SLC25A3: variants seen among roughly 807,000 people sequenced by gnomAD.
SLC25A3 encodes the protein phosphate transport protein.
A neutral mutation model predicts 37.1 loss-of-function variants in SLC25A3; 14 were observed. That is an observed-to-expected ratio of 0.38 (90% CI 0.25 to 0.59). The LOEUF (loss-of-function observed/expected upper bound fraction) is 0.59, where lower values mean the gene tolerates loss of function less well. Ranked by LOEUF, SLC25A3 falls within the 20% of genes least tolerant of loss-of-function variation. The pLI, the probability that SLC25A3 is intolerant of heterozygous loss-of-function variation, is 0.67. For missense variants in SLC25A3, 385 were observed against 458.1 expected (o/e 0.84, Z 1.46); for synonymous variants, 161 against 168.7 (o/e 0.95, Z 0.36).
intron 2 of SLC25A3, chr12:98,595,491 A>T: frequency 6.2e-7 from 1 of 1,613,594 alleles, no homozygotes; most frequent in Non-Finnish European, 8.5e-7. Context: ...GACTTGGAGG[A>T]ATTATTAGCT....
chr12:98,600,203 G>A (rs1310923467), intron 6 of SLC25A3, 76 bp downstream of exon 6: 5 of 1,024,046 alleles, frequency 4.9e-6, no homozygotes, highest in African/African-American at 1.6e-5. Context: ...TTTTTGAGAG[G>A]GAAAAATACT....
rs749070065 is a variant in SLC25A3, at chr12:98,601,281, G to A, written c.925G>A (p.Gly309Ser). Residue 309 changes from glycine (G) to serine (S), a missense_variant and splice_region_variant, in exon 7 of 8, where the codon GGT (glycine) becomes AGT (serine). By Grantham distance (56) the Gly-to-Ser change is moderately conservative. Transcript: ENST00000552981. ...SLVLKRLGFK[G>S]VWKGLFARII... ...GGTCCTCAAGAGACTTGGATTTAAAGGTAGGATGATGTTTTTTTCTTGAAA... is the reference window on the plus strand; with the variant it reads ...GGTCCTCAAGAGACTTGGATTTAAAAGTAGGATGATGTTTTTTTCTTGAAA... The A allele has an allele frequency of 1.4e-5, 23 of 1,613,954 alleles. No homozygotes were observed. The highest frequency in any genetic ancestry group is 1.9e-5 in the Non-Finnish European group (22 of 1,179,988).
At position 98,594,877 on chromosome 12, in the gene SLC25A3, C is replaced by G. The variant is rs367763374; in HGVS notation, c.157+742C>G. ...GAAAGATTTTTTTCTTTAAATCATTCATGTGCTTCTGTTGTCTTTAGTATG... is the reference window on the plus strand; with the variant it reads ...GAAAGATTTTTTTCTTTAAATCATTGATGTGCTTCTGTTGTCTTTAGTATG... On this transcript the variant is annotated intron_variant, in intron 2 of 7. Coordinates refer to ENST00000552981, the MANE Select transcript of SLC25A3 (RefSeq NM_002635.4). 50 of 179,214 alleles carry G rather than the reference C, an allele frequency of 2.8e-4. No individual in the cohort carries two copies. The South Asian group carries it at 5.1e-3, about 18-fold the overall frequency. The allele number at this position is 179,214 out of a possible 1,614,324, so 11.1% of individuals were successfully genotyped here. A position where few individuals can be genotyped will look rare whatever the true frequency, so the allele number is the denominator to read the frequency against.
chr12:98,602,659 A>G lies in SLC25A3; in HGVS notation c.*1131A>G, dbSNP rs144368010. 6.6e-6 allele frequency: 1 copy of G among 152,164 alleles called. No homozygotes were observed. The highest frequency in any genetic ancestry group is 6.6e-5 in the Admixed American group (1 of 15,260). The allele number at this position is 152,164 out of a possible 1,614,324, so 9.4% of individuals were successfully genotyped here. ...TAGTTTTTGTGTTTAGATTCCCCTT[A>G]AGTTTGATTAGGAAGTGTATAAAAG... On this transcript the variant is annotated 3_prime_UTR_variant, in exon 8 of 8. Coordinates refer to ENST00000552981, the MANE Select transcript of SLC25A3 (RefSeq NM_002635.4).
intron 2 of SLC25A3, chr12:98,594,548 C>T (rs1017320631): frequency 2.0e-5 from 12 of 593,212 alleles, no homozygotes; most frequent in Non-Finnish European, 3.3e-5. Flanking sequence ...TAGTCCTTTC[C>T]TAAGTTTTAT....
Position 98,606,033 on chromosome 12 carries a change from G to A in SLC25A3, c.*4505G>A, listed in dbSNP as rs1443131842. On this transcript the variant is annotated 3_prime_UTR_variant, in exon 8 of 8. Coordinates refer to ENST00000552981, the MANE Select transcript of SLC25A3 (RefSeq NM_002635.4). ...AGGAAGCTGAAGGAGGATCGTCTGA[G>A]CCCAGGAGTTTGAGGCTGCAATGAG... 6.6e-6 allele frequency: 1 copy of A among 151,838 alleles called. No individual in the cohort carries two copies. The highest frequency in any genetic ancestry group is 1.5e-5 in the Non-Finnish European group (1 of 67,970). The allele number at this position is 151,838 out of a possible 1,614,324, so 9.4% of individuals were successfully genotyped here.
chr12:98,596,058 C>T (rs1374262883), intron 3 of SLC25A3, among the ~76,000 whole-genome samples: 1 of 152,210 alleles, frequency 6.6e-6, no homozygotes. Flanking sequence ...CTTTTAGAGT[C>T]TGGCTGTAAA....
intron 2 of SLC25A3, chr12:98,595,243 G>C: frequency 1.6e-6 from 1 of 612,798 alleles, no homozygotes; most frequent in Non-Finnish European, 2.9e-6. Flanking sequence ...AATAGTATCA[G>C]ATACAGAACC....
At chr12:98,597,580 TG>T (rs1346999224) in intron 3 of SLC25A3, 1 of 385,318 alleles carries the variant, frequency 2.6e-6, no homozygotes, top group African/African-American at 2.1e-5. Context: ...CACGCCACCA[TG>T]CCCGTCCAAT....
intron 6 of SLC25A3, 106 bp from the exon 7 acceptor site, chr12:98,601,065 A>T: frequency 7.5e-7 from 1 of 1,336,890 alleles, no homozygotes; most frequent in Non-Finnish European, 1.0e-6. Context: ...TCTGATTTTT[A>T]TTTTAGAACT....
At chr12:98,598,403 A>C (rs1247796433) in intron 4 of SLC25A3, 119 bp from the exon 5 acceptor site, 7 of 1,489,842 alleles carry the variant, frequency 4.7e-6, no homozygotes, top group Non-Finnish European at 6.4e-6. Flanking sequence ...TATATATTCC[A>C]TATCATCGTG....
intron 2 of SLC25A3, chr12:98,595,155 T>G (rs2097591877): frequency 2.3e-6 from 1 of 441,194 alleles, no homozygotes; most frequent in Non-Finnish European, 4.2e-6. Context: ...GTTAATAATT[T>G]GAAGTTTGAC....
intron 5 of SLC25A3, 92 bp from the exon 6 acceptor site, chr12:98,599,863 C>A: frequency 7.5e-7 from 1 of 1,340,204 alleles, no homozygotes; most frequent in Non-Finnish European, 1.1e-6. Context: ...ACTATCAGGA[C>A]TCGACTCGTG....
intron 3 of SLC25A3, among the ~76,000 whole-genome samples, chr12:98,597,318 C>G (rs2097593829): frequency 6.6e-6 from 1 of 152,100 alleles, no homozygotes; most frequent in Admixed American, 6.5e-5. Context: ...AATGTAGTTC[C>G]TCACTCAAAA....
At chr12:98,596,512 C>T (rs188262243) in intron 3 of SLC25A3, among the ~76,000 whole-genome samples, 1 of 152,182 alleles carries the variant, frequency 6.6e-6, no homozygotes, top group African/African-American at 2.4e-5. Flanking sequence ...TCCTCCCCCC[C>T]CATTAGTTAA....
chr12:98,602,592 G>A lies in SLC25A3; in HGVS notation c.*1064G>A, dbSNP rs973146519. The A allele has an allele frequency of 6.6e-6, 1 of 152,192 alleles. No homozygotes were observed. The highest frequency in any genetic ancestry group is 6.5e-5 in the Admixed American group (1 of 15,284). 9.4% of individuals were successfully genotyped at this position (152,192 alleles called of 1,614,324 possible). A position where few individuals can be genotyped will look rare whatever the true frequency, so the allele number is the denominator to read the frequency against. ...TCATACTTAGATACGAGATTGGATT[G>A]TAGGTTTAAGCCCATTTTTAAAGAG... On this transcript the variant is annotated 3_prime_UTR_variant, in exon 8 of 8. Coordinates refer to ENST00000552981, the MANE Select transcript of SLC25A3 (RefSeq NM_002635.4).
chr12:98,594,302 C>T (rs1565828718), intron 2 of SLC25A3, 167 bp downstream of exon 2: 1 of 715,652 alleles, frequency 1.4e-6, no homozygotes, highest in South Asian at 1.5e-5. Flanking sequence ...CCACCATAGG[C>T]GGGTGTCAGA....
At chr12:98,599,901 T>G in intron 5 of SLC25A3, 54 bp from the exon 6 acceptor site, 1 of 1,597,794 alleles carries the variant, frequency 6.3e-7, no homozygotes, top group Non-Finnish European at 8.6e-7. Flanking sequence ...ATAATGACAG[T>G]CTCTGATAGA....
At chr12:98,596,511 C>G (rs12579669) in intron 3 of SLC25A3, among the ~76,000 whole-genome samples, 12 of 152,018 alleles carry the variant, frequency 7.9e-5, no homozygotes, top group African/African-American at 1.4e-4. Flanking sequence ...TTCCTCCCCC[C>G]CCATTAGTTA....
Sources: allele counts gnomAD v4.1 joint callset (sites outside exome capture counted in the v4.1 genomes callset), GRCh38; gene constraint gnomAD v4.1.1; transcripts MANE v1.5; gene names NCBI Gene and HGNC (gene_info 2026-07-23, HGNC 2026-07-21).